The following HORMAD2 variants were observed in gnomAD, a reference collection of about 807,000 sequenced individuals.
The protein encoded by HORMAD2 is HORMA domain-containing protein 2.
A neutral mutation model predicts 38.8 loss-of-function variants in HORMAD2; 45 were observed. The ratio of observed to expected loss-of-function variants is 1.16; its 90% CI spans 0.91 to 1.49. The LOEUF (loss-of-function observed/expected upper bound fraction) is 1.49. Among genes scored for constraint, HORMAD2 ranks in the 40% most tolerant of loss-of-function variants. HORMAD2 has a pLI of 0.00. For missense variants in HORMAD2, 338 were observed against 367.0 expected, an observed-to-expected ratio of 0.92 and a Z score of 0.65; for synonymous variants, 126 against 122.8, an observed-to-expected ratio of 1.03 and a Z score of -0.17.
chr22:30,112,581 T>C (rs1356791680), intron 7 of HORMAD2, 59 bp downstream of exon 7: 1 of 707,736 alleles, frequency 1.4e-6, no homozygotes, highest in Non-Finnish European at 2.1e-6. Flanking sequence ...TTTAAGATGT[T>C]TTTCTGAGTT....
chr22:30,127,903 C>G (rs1034567519), intron 10 of HORMAD2, among the ~76,000 whole-genome samples: 3 of 152,092 alleles, frequency 2.0e-5, no homozygotes, highest in Non-Finnish European at 4.4e-5. Flanking sequence ...TTTGGTACAC[C>G]ATTTCCATGT....
In HORMAD2 at chr22:30,176,237, A is replaced by G; in HGVS notation, c.*70A>G. 7 of 1,085,124 alleles carry G rather than the reference A, an allele frequency of 6.5e-6. No individual in the cohort carries two copies. The highest frequency in any genetic ancestry group is 9.5e-6 in the Non-Finnish European group (7 of 740,376). The allele number at this position is 1,085,124 out of a possible 1,614,324, so 67.2% of individuals were successfully genotyped here. A position where few individuals can be genotyped will look rare whatever the true frequency, so the allele number is the denominator to read the frequency against. On this transcript the variant is annotated 3_prime_UTR_variant, in exon 11 of 11. Coordinates refer to ENST00000336726, the MANE Select transcript of HORMAD2 (RefSeq NM_152510.4). ...TGTAAAAACATGCATAAACTGTCTT[A>G]GCAGGAAAGTACATTCCTGTTACCA...
At chr22:30,082,734 C>T (rs1033968655) in intron 1 of HORMAD2, among the ~76,000 whole-genome samples, 7 of 145,990 alleles carry the variant, frequency 4.8e-5, no homozygotes, top group Non-Finnish European at 7.5e-5. Context: ...TTTGAGGTTG[C>T]AATGAGCTGT....
At chr22:30,206,393 C>G in the HORMAD2 span, among the ~76,000 whole-genome samples, 2 of 152,118 alleles carry the variant, frequency 1.3e-5, no homozygotes, top group East Asian at 3.9e-4. Flanking sequence ...CTCCTGACCT[C>G]GTGATCCACC....
intron 10 of HORMAD2, among the ~76,000 whole-genome samples, chr22:30,163,803 A>G (rs1333076838): frequency 6.6e-6 from 1 of 152,136 alleles, no homozygotes; most frequent in Admixed American, 6.6e-5. Context: ...TACATAATAT[A>G]TAATTTGCCA....
chr22:30,139,370 AT>A lies in HORMAD2; in HGVS notation c.819+17162del, dbSNP rs1923918085. ...TACATATATATATACTTATATATAT[AT>A]TTTTTCATCCTACTAGTTCTGTTTC... On this transcript the variant is annotated intron_variant, in intron 10 of 10. Coordinates refer to ENST00000336726, the MANE Select transcript of HORMAD2 (RefSeq NM_152510.4). Among the ~76,000 whole-genome samples the A allele has an allele frequency of 2.0e-5, 3 of 147,126 alleles. No individual in the cohort carries two copies. In the East Asian group the frequency reaches 5.9e-4, roughly 29 times the overall value.
chr22:30,176,062 G>C lies in HORMAD2; in HGVS notation c.820-1G>C. On this transcript the variant is annotated splice_acceptor_variant, in intron 10 of 10. Transcript: ENST00000336726. LOFTEE classifies it high-confidence loss of function. ...GTGCCTCTCTCTGGTGATTCTCACAGATTCAAAGAATGAATTTTGTGTGCA... is the reference window on the plus strand; with the variant it reads ...GTGCCTCTCTCTGGTGATTCTCACACATTCAAAGAATGAATTTTGTGTGCA... 1 of 1,603,748 alleles carries C rather than the reference G, an allele frequency of 6.2e-7. No individual in the cohort carries two copies. Among genetic ancestry groups the C allele is most frequent in the Non-Finnish European group, 8.5e-7 (1 of 1,170,882 alleles).
At chr22:30,121,485 T>C in intron 8 of HORMAD2, 147 bp from the exon 9 acceptor site, 1 of 554,272 alleles carries the variant, frequency 1.8e-6, no homozygotes, top group Non-Finnish European at 2.9e-6. Flanking sequence ...AAAAGTACCA[T>C]CGCTCCCCTA....
chr22:30,078,014 G>A (rs79155045), upstream of HORMAD2, among the ~76,000 whole-genome samples: 4 of 152,322 alleles, frequency 2.6e-5, no homozygotes, highest in Non-Finnish European at 5.9e-5. Flanking sequence ...TAAAGATGAA[G>A]GCTTTACCCA....
chr22:30,131,556 A>G (rs1555948755), intron 10 of HORMAD2, among the ~76,000 whole-genome samples: 4 of 151,966 alleles, frequency 2.6e-5, no homozygotes, highest in Non-Finnish European at 5.9e-5. Context: ...CATACAAATG[A>G]TTTTTTTTGA....
chr22:30,186,844 T>C, the HORMAD2 span, among the ~76,000 whole-genome samples: 1 of 150,088 alleles, frequency 6.7e-6, no homozygotes, highest in Non-Finnish European at 1.5e-5. Flanking sequence ...TGCGATAGTA[T>C]AACCTGTGGT....
chr22:30,168,962 C>A (rs1925947981), intron 10 of HORMAD2, among the ~76,000 whole-genome samples: 1 of 152,094 alleles, frequency 6.6e-6, no homozygotes, highest in Non-Finnish European at 1.5e-5. Context: ...TCTGACCCAG[C>A]CCACCACTCC....
intron 10 of HORMAD2, among the ~76,000 whole-genome samples, chr22:30,168,121 A>G (rs1246901322): frequency 6.6e-6 from 1 of 152,206 alleles, no homozygotes; most frequent in Non-Finnish European, 1.5e-5. Flanking sequence ...ATTTTTACAA[A>G]TCTATGATCA....
chr22:30,117,793 C>T (rs992861134), intron 7 of HORMAD2, among the ~76,000 whole-genome samples: 19 of 152,158 alleles, frequency 1.2e-4, no homozygotes, highest in Admixed American at 5.2e-4. Flanking sequence ...GGATTATGGG[C>T]GTGAGCCACC....
upstream of HORMAD2, among the ~76,000 whole-genome samples, chr22:30,078,421 C>G (rs1274143508): frequency 6.6e-6 from 1 of 151,680 alleles, no homozygotes; most frequent in Non-Finnish European, 1.5e-5. Context: ...GCCTGGCCAA[C>G]ATGGTGAAAC....
chr22:30,097,285 GAC>G (rs957734598), intron 2 of HORMAD2, among the ~76,000 whole-genome samples: 1 of 152,176 alleles, frequency 6.6e-6, no homozygotes, highest in African/African-American at 2.4e-5. Flanking sequence ...ACTCTTGGTA[GAC>G]ACCCCTTACA....
At chr22:30,130,470 T>C (rs1923194348) in intron 10 of HORMAD2, among the ~76,000 whole-genome samples, 1 of 152,016 alleles carries the variant, frequency 6.6e-6, no homozygotes, top group African/African-American at 2.4e-5. Flanking sequence ...GTCCAAGGAA[T>C]CCCGGGACAA....
intron 3 of HORMAD2, among the ~76,000 whole-genome samples, chr22:30,101,370 T>C (rs1279803311): frequency 6.8e-6 from 1 of 147,240 alleles, no homozygotes; most frequent in Non-Finnish European, 1.5e-5. Context: ...CACTCATAAG[T>C]GGGAGTTGAA....
intron 10 of HORMAD2, among the ~76,000 whole-genome samples, chr22:30,130,850 G>A (rs931625420): frequency 6.6e-5 from 10 of 151,968 alleles, no homozygotes; most frequent in Middle Eastern, 3.4e-3. Context: ...CTCTGCCTCC[G>A]CCTCCCAAAG....
Sources: allele counts gnomAD v4.1 joint callset (sites outside exome capture counted in the v4.1 genomes callset), GRCh38; gene constraint gnomAD v4.1.1; transcripts MANE v1.5; gene names NCBI Gene and HGNC (gene_info 2026-07-23, HGNC 2026-07-21).